Variants in ZFHX3 observed in about 807,000 individuals in gnomAD.
The protein encoded by ZFHX3 is zinc finger homeobox 3.
In ZFHX3, 42 loss-of-function variants were observed where a neutral mutation model predicts 279.1. The ratio of observed to expected loss-of-function variants is 0.15; its 90% confidence interval spans 0.12 to 0.19. The LOEUF (loss-of-function observed/expected upper bound fraction) is 0.19. Ranked by LOEUF, ZFHX3 falls within the 10% of genes least tolerant of loss-of-function variation. ZFHX3 has a pLI of 1.00. For synonymous variants in ZFHX3, 2,293 were observed against 1,957.8 expected (o/e 1.17, Z -4.52); for missense variants, 4,981 against 4,754.0 (o/e 1.05, Z -1.40).
chr16:73,103,024 G>A (rs28730356), intron 7 of ZFHX3, among the ~76,000 whole-genome samples: 7,830 of 151,904 alleles, frequency 0.052, 622 homozygotes, highest in African/African-American at 0.16. Context: ...TCCCAGGTTG[G>A]ATCGATTCTC....
At chr16:73,524,970 G>A (rs1372011574) in intron 2 of ZFHX3, among the ~76,000 whole-genome samples, 1 of 152,132 alleles carries the variant, frequency 6.6e-6, no homozygotes, top group African/African-American at 2.4e-5. Context: ...ACACAACATG[G>A]TCACGTAAGA....
At chr16:73,786,954 C>T (rs1025769691) in intron 1 of ZFHX3, among the ~76,000 whole-genome samples, 13 of 152,170 alleles carry the variant, frequency 8.5e-5, no homozygotes, top group Non-Finnish European at 7.3e-5. Context: ...CTTTTTCAGG[C>T]ATGTGGTTTC....
At chr16:73,213,915 C>T (rs547206233) in intron 5 of ZFHX3, among the ~76,000 whole-genome samples, 5 of 152,226 alleles carry the variant, frequency 3.3e-5, no homozygotes, top group South Asian at 2.1e-4. Context: ...CTTTGTTCCC[C>T]GCTCCAATCT....
chr16:72,914,371 C>A (rs2039389853), intron 3 of ZFHX3, among the ~76,000 whole-genome samples: 1 of 152,214 alleles, frequency 6.6e-6, no homozygotes. Flanking sequence ...TCAGAACCCA[C>A]AGACCACGAT....
intron 2 of ZFHX3, among the ~76,000 whole-genome samples, chr16:73,647,934 AC>A (rs2142162670): frequency 6.6e-6 from 1 of 152,318 alleles, no homozygotes; most frequent in East Asian, 1.9e-4. Context: ...TATAAAACAT[AC>A]GCTCAATACA....
chr16:73,236,048 C>T (rs2012938207), intron 5 of ZFHX3, among the ~76,000 whole-genome samples: 1 of 152,218 alleles, frequency 6.6e-6, no homozygotes. Flanking sequence ...CCTACAGACA[C>T]TACTCTGTAG....
chr16:72,901,124 G>A (rs1192782993), intron 3 of ZFHX3, among the ~76,000 whole-genome samples: 1 of 152,102 alleles, frequency 6.6e-6, no homozygotes, highest in African/African-American at 2.4e-5. Flanking sequence ...TTTCACACCT[G>A]CACTCGAAAA....
intron 3 of ZFHX3, chr16:73,401,549 A>C (rs1373487127): frequency 1.3e-5 from 2 of 152,050 alleles, no homozygotes; most frequent in Non-Finnish European, 2.9e-5. Context: ...ATTTGGATGG[A>C]CACGCAGCGA....
At chr16:73,458,062 C>T (rs1398592700) in intron 2 of ZFHX3, among the ~76,000 whole-genome samples, 1 of 152,226 alleles carries the variant, frequency 6.6e-6, no homozygotes, top group Non-Finnish European at 1.5e-5. Context: ...CAATAGACAC[C>T]TGTTCTTGAA....
chr16:73,375,042 T>A (rs2016698695), intron 3 of ZFHX3, among the ~76,000 whole-genome samples: 1 of 152,206 alleles, frequency 6.6e-6, no homozygotes, highest in Non-Finnish European at 1.5e-5. Flanking sequence ...AATGGGCATC[T>A]TAATTCTAAC....
At chr16:73,399,011 T>G (rs962047122) in intron 3 of ZFHX3, among the ~76,000 whole-genome samples, 1 of 150,858 alleles carries the variant, frequency 6.6e-6, no homozygotes, top group Non-Finnish European at 1.5e-5. Flanking sequence ...ACTACAGGCA[T>G]GCACCACCAT....
At chr16:73,148,294 C>G (rs7192374) in intron 5 of ZFHX3, among the ~76,000 whole-genome samples, 28,117 of 152,158 alleles carry the variant, frequency 0.18, 3,486 homozygotes, top group African/African-American at 0.36. Context: ...TTGTTTAAAA[C>G]TAAAATCTTA....
chr16:73,680,133 T>C (rs2052995577), intron 2 of ZFHX3: 2 of 152,110 alleles, frequency 1.3e-5, no homozygotes, highest in Non-Finnish European at 2.9e-5. Flanking sequence ...TGAAGAAAAG[T>C]CCATGGATAA....
At chr16:72,989,823 G>A (rs998141932) in intron 1 of ZFHX3, among the ~76,000 whole-genome samples, 3 of 152,190 alleles carry the variant, frequency 2.0e-5, no homozygotes, top group Non-Finnish European at 2.9e-5. Flanking sequence ...TGTTAATTAT[G>A]CGGACGCAGA....
At position 73,173,587 on chromosome 16, in the gene ZFHX3, C is replaced by G. The variant is rs905460389; in HGVS notation, c.-1103-29756G>C. Among the ~76,000 whole-genome samples the G allele has an allele frequency of 2.0e-5, 3 of 152,222 alleles. No homozygotes were observed. The South Asian group carries it at 6.2e-4, about 32-fold the overall frequency. ...CAGTTTACTAACAATGCTCTGCTCT[C>G]TTGCACTCCAAGGTCAGGACCCCTG... is the stretch of plus-strand genomic sequence containing the variant. On this transcript the variant is annotated intron_variant, in intron 5 of 17. Transcript: ENST00000641206.
At chr16:72,990,993 A>T (rs1272214463) in intron 1 of ZFHX3, among the ~76,000 whole-genome samples, 5 of 127,550 alleles carry the variant, frequency 3.9e-5, no homozygotes, top group Admixed American at 2.2e-4. Context: ...AAATAAAATT[A>T]AAAAAAAAAA....
chr16:73,822,801 G>C (rs764551550), intron 1 of ZFHX3, among the ~76,000 whole-genome samples: 4 of 152,212 alleles, frequency 2.6e-5, no homozygotes, highest in Non-Finnish European at 5.9e-5. Context: ...GTCACTTTTA[G>C]ATACTGAGAG....
intron 2 of ZFHX3, among the ~76,000 whole-genome samples, chr16:73,532,214 G>A (rs567438260): frequency 5.9e-5 from 9 of 152,020 alleles, no homozygotes; most frequent in African/African-American, 1.9e-4. Flanking sequence ...AGGGACCCCA[G>A]GGGGAGATAA....
At chr16:73,459,872 G>A (rs1045058460) in intron 2 of ZFHX3, among the ~76,000 whole-genome samples, 6 of 152,120 alleles carry the variant, frequency 3.9e-5, no homozygotes, top group Admixed American at 2.0e-4. Flanking sequence ...ACAGCATGGG[G>A]GAAACCACCC....
Sources: gnomAD v4.1 joint callset for allele counts (sites outside exome capture counted in the v4.1 genomes callset) on GRCh38, gnomAD v4.1.1 for gene constraint, MANE v1.5 for transcripts, NCBI Gene and HGNC (gene_info 2026-07-23, HGNC 2026-07-21) for gene names.